The following SGCD variants were observed in gnomAD, a reference collection of about 807,000 sequenced individuals.
SGCD encodes delta-sarcoglycan.
Under a neutral mutation model 36.6 loss-of-function variants are expected in SGCD, and 18 were observed. That is an observed-to-expected ratio of 0.49 (90% CI 0.34 to 0.73). SGCD has a LOEUF of 0.73. Ranked by LOEUF, SGCD falls within the 30% of genes least tolerant of loss-of-function variation. The pLI is 0.01. For synonymous variants in SGCD, 133 were observed against 130.6 expected, an observed-to-expected ratio of 1.02 and a Z score of -0.12; for missense variants, 387 against 346.7, an observed-to-expected ratio of 1.12 and a Z score of -0.92.
At chr5:155,752,378 A>G in the SGCD span, among the ~76,000 whole-genome samples, 1 of 152,110 alleles carries the variant, frequency 6.6e-6, no homozygotes, top group Admixed American at 6.5e-5. Context: ...AGATCTCATC[A>G]TTCAAGCCGT....
chr5:156,048,901 T>C (rs981216092), intron 1 of SGCD, among the ~76,000 whole-genome samples: 4 of 152,060 alleles, frequency 2.6e-5, no homozygotes, highest in South Asian at 4.1e-4. Flanking sequence ...TCCCTGCCCA[T>C]GCCTATGTCC....
At chr5:156,239,998 G>A (rs1354852986) in intron 3 of SGCD, among the ~76,000 whole-genome samples, 1 of 152,160 alleles carries the variant, frequency 6.6e-6, no homozygotes, top group South Asian at 2.1e-4. Flanking sequence ...TCCCAAATAG[G>A]TAACTTAAGC....
At chr5:155,820,202 A>AT in the SGCD span, among the ~76,000 whole-genome samples, 1 of 152,166 alleles carries the variant, frequency 6.6e-6, no homozygotes, top group East Asian at 1.9e-4. Flanking sequence ...AAGTCTTAGT[A>AT]TTTTTTGCTG....
At chr5:156,519,017 G>A (rs924191779) in intron 4 of SGCD, among the ~76,000 whole-genome samples, 3 of 151,926 alleles carry the variant, frequency 2.0e-5, no homozygotes, top group Non-Finnish European at 2.9e-5. Flanking sequence ...AACTGAAGGA[G>A]TTGGAGACAC....
At chr5:156,686,551 G>A (rs978751066) in intron 7 of SGCD, among the ~76,000 whole-genome samples, 2 of 152,184 alleles carry the variant, frequency 1.3e-5, no homozygotes, top group African/African-American at 4.8e-5. Flanking sequence ...GGTCCCAGCT[G>A]TCTTCATCCT....
chr5:156,005,897 C>T (rs1463125576), intron 1 of SGCD, among the ~76,000 whole-genome samples: 2 of 152,212 alleles, frequency 1.3e-5, no homozygotes, highest in East Asian at 1.9e-4. Context: ...TCCGATGGCA[C>T]AAGCAGTGTT....
chr5:155,886,136 T>C (rs991371571), intron 1 of SGCD, among the ~76,000 whole-genome samples: 5 of 152,196 alleles, frequency 3.3e-5, no homozygotes, highest in Admixed American at 2.6e-4. Context: ...TGATGGCTCT[T>C]TAGGTTACAA....
intron 1 of SGCD, among the ~76,000 whole-genome samples, chr5:155,918,592 G>C (rs909373629): frequency 6.6e-6 from 1 of 152,052 alleles, no homozygotes; most frequent in Non-Finnish European, 1.5e-5. Flanking sequence ...AAATAAAAAG[G>C]ATAAAGTGAT....
chr5:156,606,374 C>T (rs1761453956), intron 6 of SGCD, among the ~76,000 whole-genome samples: 1 of 152,102 alleles, frequency 6.6e-6, no homozygotes, highest in South Asian at 2.1e-4. Flanking sequence ...GGCATTATTT[C>T]TGAGGGCTCT....
At chr5:156,710,115 TG>T (rs1466392939) in intron 7 of SGCD, among the ~76,000 whole-genome samples, 1 of 152,200 alleles carries the variant, frequency 6.6e-6, no homozygotes, top group East Asian at 1.9e-4. Flanking sequence ...AGGTATTCCA[TG>T]CCTGATAGAA....
chr5:156,463,750 T>G (rs568721622), intron 3 of SGCD, among the ~76,000 whole-genome samples: 51 of 152,214 alleles, frequency 3.4e-4, no homozygotes, highest in African/African-American at 1.1e-3. Context: ...ATCCCAACAC[T>G]TTGGGAGGCC....
chr5:156,283,590 GC>G (rs1023007473), intron 3 of SGCD, among the ~76,000 whole-genome samples: 1 of 152,148 alleles, frequency 6.6e-6, no homozygotes, highest in African/African-American at 2.4e-5. Flanking sequence ...AGGGAGCATT[GC>G]CCAGTGCATT....
intron 6 of SGCD, among the ~76,000 whole-genome samples, chr5:156,611,308 G>A (rs547647796): frequency 1.6e-4 from 25 of 152,206 alleles, no homozygotes; most frequent in Non-Finnish European, 2.9e-4. Context: ...AAGTTATGAC[G>A]AATTCCCTCA....
chr5:156,642,461 C>CTT (rs58501471), intron 6 of SGCD, among the ~76,000 whole-genome samples: 2,100 of 79,972 alleles, frequency 0.026, 134 homozygotes, highest in African/African-American at 0.099. Context: ...CAGCATCAGT[C>CTT]TTTTTTTTTT....
chr5:155,976,583 T>A (rs1001573221), intron 1 of SGCD, among the ~76,000 whole-genome samples: 1 of 152,186 alleles, frequency 6.6e-6, no homozygotes, highest in East Asian at 1.9e-4. Context: ...TAAGTAAGTA[T>A]TCTTGTTTTC....
intron 6 of SGCD, among the ~76,000 whole-genome samples, chr5:156,630,501 G>A (rs116692013): frequency 0.012 from 1,833 of 152,250 alleles, 42 homozygotes; most frequent in African/African-American, 0.041. Context: ...TGCTTTGCCT[G>A]TAATATCTCA....
intron 3 of SGCD, among the ~76,000 whole-genome samples, chr5:156,318,966 T>C (rs1767591501): frequency 6.6e-6 from 1 of 152,234 alleles, no homozygotes; most frequent in Admixed American, 6.5e-5. Flanking sequence ...GAGTCTGATA[T>C]GCTCATCAAG....
intron 1 of SGCD, among the ~76,000 whole-genome samples, chr5:155,886,126 T>G (rs892133727): frequency 6.6e-6 from 1 of 152,192 alleles, no homozygotes; most frequent in African/African-American, 2.4e-5. Context: ...CATGTCTTAG[T>G]GATGGCTCTT....
chr5:156,170,051 G>A (rs1020963344), intron 3 of SGCD, among the ~76,000 whole-genome samples: 1 of 152,204 alleles, frequency 6.6e-6, no homozygotes, highest in Admixed American at 6.5e-5. Context: ...CTGAGGGTTG[G>A]ATTGCAAGGG....
Sources: gnomAD v4.1 joint callset for allele counts (sites outside exome capture counted in the v4.1 genomes callset) on GRCh38, gnomAD v4.1.1 for gene constraint, MANE v1.5 for transcripts, NCBI Gene and HGNC (gene_info 2026-07-23, HGNC 2026-07-21) for gene names.